The following SETD1B variants were observed in gnomAD, a reference collection of about 807,000 sequenced individuals.
SETD1B encodes SET domain containing 1B, histone lysine methyltransferase, also known as histone-lysine N-methyltransferase SETD1B.
Under a neutral mutation model 148.0 loss-of-function variants are expected in SETD1B, and 7 were observed. The ratio of observed to expected loss-of-function variants is 0.05; its 90% CI spans 0.03 to 0.09. SETD1B has a LOEUF of 0.09. Among genes scored for constraint, SETD1B ranks in the 10% least tolerant of loss-of-function variants. The pLI, the probability that SETD1B is intolerant of heterozygous loss-of-function variation, is 1.00. For synonymous variants in SETD1B, 1,361 were observed against 1,186.5 expected, an observed-to-expected ratio of 1.15 and a Z score of -3.02; for missense variants, 2,155 against 2,729.9, an observed-to-expected ratio of 0.79 and a Z score of 4.69.
At position 121,804,455 on chromosome 12, in the gene SETD1B, G is replaced by A. The variant is rs1220607148; in HGVS notation, c.-15+222G>A. On this transcript the variant is annotated intron_variant, in intron 1 of 16. Coordinates refer to ENST00000604567, the MANE Select transcript of SETD1B (RefSeq NM_001353345.2). The surrounding 1 kb of genome is among the most constrained non-coding windows in gnomAD (Gnocchi z 4.6). ...GGAGTCCGCGTCCTCCGGGCGCCCC[G>A]GGCCCCGCCAGCCCGCCCAGGGGAC... Among the ~76,000 whole-genome samples, 1 of 150,152 alleles carries A rather than the reference G, an allele frequency of 6.7e-6. No individual in the cohort carries two copies. Among genetic ancestry groups the A allele is most frequent in the Non-Finnish European group, 1.5e-5 (1 of 67,312 alleles).
At chr12:121,807,922 G>T (rs1327321593) in intron 4 of SETD1B, among the ~76,000 whole-genome samples, 1 of 151,938 alleles carries the variant, frequency 6.6e-6, no homozygotes, top group Non-Finnish European at 1.5e-5. Context: ...GGGGCTGGGC[G>T]TCGCGGGTGG....
At position 121,809,790 on chromosome 12, in the gene SETD1B, C is replaced by G; in HGVS notation, c.845C>G (p.Pro282Arg). 6.4e-7 allele frequency: 1 copy of G among 1,551,596 alleles called. No homozygotes were observed. The highest frequency in any genetic ancestry group is 8.7e-7 in the Non-Finnish European group (1 of 1,146,980). ...CCGCTCACACCGCGCCTGGGCACCCCTTTCTCACAGGACTCCAGCTACTCC... is the reference window on the plus strand; with the variant it reads ...CCGCTCACACCGCGCCTGGGCACCCGTTTCTCACAGGACTCCAGCTACTCC... ...GTPLTPRLGT[P>R]FSQDSSYSSR... Residue 282 changes from proline to arginine, a missense_variant, in exon 6 of 17, where the codon CCT becomes CGT. This residue lies in a region of SETD1B where 376 missense variants were observed against 385.0 expected (regional missense o/e 0.98). Transcript: ENST00000604567.
intron 4 of SETD1B, among the ~76,000 whole-genome samples, chr12:121,807,792 A>G (rs1005418590): frequency 3.3e-5 from 5 of 152,062 alleles, no homozygotes; most frequent in African/African-American, 1.2e-4. Flanking sequence ...GATATTTAAC[A>G]AACTCTGGCT....
intron 6 of SETD1B, among the ~76,000 whole-genome samples, chr12:121,812,921 A>C (rs1460790121): frequency 4.6e-5 from 7 of 151,968 alleles, no homozygotes; most frequent in Non-Finnish European, 8.8e-5. Flanking sequence ...CTGATCTTGC[A>C]ACTTGCACAG....
chr12:121,798,608 G>T, the SETD1B span, among the ~76,000 whole-genome samples: 18 of 152,216 alleles, frequency 1.2e-4, no homozygotes, highest in Non-Finnish European at 1.9e-4. Flanking sequence ...AGCCCATGGC[G>T]AACTATCTCC....
At chr12:121,813,549 G>T (rs185387967) in intron 6 of SETD1B, among the ~76,000 whole-genome samples, 1 of 152,282 alleles carries the variant, frequency 6.6e-6, no homozygotes, top group African/African-American at 2.4e-5. Context: ...GGGCAAAAAT[G>T]GAGTTGAAAA....
chr12:121,815,115 A>G (rs1424240833), intron 7 of SETD1B, among the ~76,000 whole-genome samples, 185 bp downstream of exon 7: 1 of 152,128 alleles, frequency 6.6e-6, no homozygotes, highest in Non-Finnish European at 1.5e-5. Flanking sequence ...CAGCCACTAG[A>G]TGCACACGGC....
the SETD1B span, chr12:121,797,243 G>A: frequency 2.8e-5 from 10 of 360,912 alleles, no homozygotes; most frequent in East Asian, 7.4e-5. Context: ...CGGAGAGGCC[G>A]GAAGAGGCGG....
chr12:121,803,296 ACT>A (rs749100304), upstream of SETD1B: 1 of 151,340 alleles, frequency 6.6e-6, no homozygotes, highest in South Asian at 2.1e-4. The surrounding 1 kb of genome is among the most constrained non-coding windows in gnomAD (Gnocchi z 4.7). Flanking sequence ...AAAAAGGGGG[ACT>A]CTCTCCTCCG....
rs1272757648 is a variant in SETD1B, at chr12:121,804,866, G to T, written c.129G>T (p.Gly43=). 6.5e-7 allele frequency: 1 copy of T among 1,550,146 alleles called. No individual in the cohort carries two copies. The highest frequency in any genetic ancestry group is 8.7e-7 in the Non-Finnish European group (1 of 1,146,536). ...KLMIDPALKK[G]HHKLYRYDGQ... ...TGATTGACCCGGCTCTGAAAAAGGG[G>T]CATCATAAACTGTACCGCTACGATG... Residue 43 remains glycine, a synonymous_variant, in exon 2 of 17, where the codon GGG becomes GGT. Transcript: ENST00000604567. The surrounding 1 kb of genome is among the most constrained non-coding windows in gnomAD (Gnocchi z 4.6).
In SETD1B at chr12:121,822,821, C is replaced by A. The variant is rs1357486568; in HGVS notation, c.4242C>A (p.Ser1414=). ...PGSPFSYPAP[S]PSLSSGGLPR... ...GCCCCTTCTCCTACCCAGCCCCGTC[C>A]CCTAGCTTGAGCAGTGGGGGCCTCC... Residue 1414 remains serine (S), a synonymous_variant, in exon 12 of 17, where the codon TCC becomes TCA. Coordinates refer to ENST00000604567, the MANE Select transcript of SETD1B (RefSeq NM_001353345.2). 1 of 1,500,804 alleles carries A rather than the reference C, an allele frequency of 6.7e-7. No individual in the cohort carries two copies. Among genetic ancestry groups the A allele is most frequent in the East Asian group, 2.5e-5 (1 of 40,392 alleles). The allele number at this position is 1,500,804 out of a possible 1,614,324, so 93.0% of individuals were successfully genotyped here. A position where few individuals can be genotyped will look rare whatever the true frequency, so the allele number is the denominator to read the frequency against.
In SETD1B at chr12:121,817,207, G is replaced by T; in HGVS notation, c.2890G>T (p.Val964Phe). 6.4e-7 allele frequency: 1 copy of T among 1,550,706 alleles called. No homozygotes were observed. The highest frequency in any genetic ancestry group is 8.7e-7 in the Non-Finnish European group (1 of 1,146,942). Residue 964 changes from valine (V) to phenylalanine (F), a missense_variant, in exon 8 of 17, where the codon GTC (valine) becomes TTC (phenylalanine). This residue lies in a region of SETD1B where 289 missense variants were observed against 423.7 expected (regional missense o/e 0.68). Transcript: ENST00000604567. This position sits in a 1 kb window ranked among gnomAD's most constrained non-coding sequence, Gnocchi z 8.1. The part of the protein sequence containing the change: ...RGAIRLPSFK[V>F]KRKEPPDTTS... The stretch of plus-strand genomic sequence containing the variant: ...GGCCATTCGCCTGCCCTCCTTCAAG[G>T]TCAAGAGGAAGGAGCCACCAGACAC...
intron 13 of SETD1B, among the ~76,000 whole-genome samples, chr12:121,827,250 A>G (rs1013543389): frequency 6.6e-6 from 1 of 152,136 alleles, no homozygotes; most frequent in South Asian, 2.1e-4. Flanking sequence ...GGAGGGGGTC[A>G]GGGTAGACAA....
Position 121,809,770 on chromosome 12 carries a change from C to T in SETD1B, c.825C>T (p.Leu275=), listed in dbSNP as rs963992722. ...ACTCCTATGGACAGGGCACCCCGCT[C>T]ACACCGCGCCTGGGCACCCCTTTCT... ...TPNSYGQGTP[L]TPRLGTPFSQ... The change falls in exon 6 of 17, where the codon CTC becomes CTT. Residue 275 remains leucine (L), a synonymous_variant. Coordinates refer to ENST00000604567, the MANE Select transcript of SETD1B (RefSeq NM_001353345.2). 21 of 1,551,480 alleles carry T rather than the reference C, an allele frequency of 1.4e-5. No individual in the cohort carries two copies. The East Asian group carries it at 4.2e-4, about 31-fold the overall frequency.
Position 121,830,033 on chromosome 12 carries a change from AG to A in SETD1B, c.5728-29del. The A allele has an allele frequency of 1.3e-6, 2 of 1,537,234 alleles. No individual in the cohort carries two copies. Among genetic ancestry groups the A allele is most frequent in the Non-Finnish European group, 1.8e-6 (2 of 1,137,328 alleles). On this transcript the variant is annotated intron_variant, in intron 16 of 16. Coordinates refer to ENST00000604567, the MANE Select transcript of SETD1B (RefSeq NM_001353345.2). This position sits in a 1 kb window ranked among gnomAD's most constrained non-coding sequence, Gnocchi z 5.7. ...CAGTGGTGGGGGACCCTGGGGGACC[AG>A]GGGCTCATTCTCCCCCCCACCTTGC...
chr12:121,810,445 C>T lies in SETD1B; in HGVS notation c.1500C>T (p.Asp500=). The change falls in exon 6 of 17, where the codon GAC becomes GAT. Residue 500 remains aspartate, a synonymous_variant. Coordinates refer to ENST00000604567, the MANE Select transcript of SETD1B (RefSeq NM_001353345.2). The surrounding 1 kb of genome is among the most constrained non-coding windows in gnomAD (Gnocchi z 7.6). The part of the protein sequence containing the change: ...AGPEKPHDSL[D]SRIEMLLKEQ... Reference sequence around the variant, plus strand: ...CAGAGAAACCCCACGACAGCCTGGACTCGCGCATCGAGATGCTGCTGAAGG... The same window carrying T: ...CAGAGAAACCCCACGACAGCCTGGATTCGCGCATCGAGATGCTGCTGAAGG... 3 of 1,549,232 alleles carry T rather than the reference C, an allele frequency of 1.9e-6. No homozygotes were observed. Among genetic ancestry groups the T allele is most frequent in the Non-Finnish European group, 2.6e-6 (3 of 1,147,068 alleles).
chr12:121,797,650 G>A, the SETD1B span: 3 of 455,710 alleles, frequency 6.6e-6, no homozygotes, highest in African/African-American at 2.0e-5. Flanking sequence ...AGCTGGGAGG[G>A]AGACGTACAT....
upstream of SETD1B, chr12:121,801,950 G>C (rs1221064153): frequency 6.6e-6 from 1 of 152,150 alleles, no homozygotes; most frequent in African/African-American, 2.4e-5. Flanking sequence ...GCTGGAACCA[G>C]CTAGGACTTG....
rs563028483 is a variant in SETD1B at position 121,814,098 on chromosome 12, C to T, written c.1891-8C>T. 269 of 1,545,734 alleles carry T rather than the reference C, an allele frequency of 1.7e-4. 2 individuals are homozygous for T. The South Asian group carries it at 3.0e-3, about 17-fold the overall frequency. ...TCACCTCACTGTCTCTCCCTGCTCT[C>T]TCTGCAGGGCCAGCAGTCCTCAGGC... On this transcript the variant is annotated splice_region_variant and splice_polypyrimidine_tract_variant and intron_variant, in intron 6 of 16. Coordinates refer to ENST00000604567, the MANE Select transcript of SETD1B (RefSeq NM_001353345.2).
Sources: gnomAD v4.1 joint callset for allele counts (sites outside exome capture counted in the v4.1 genomes callset) on GRCh38, gnomAD v4.1.1 for gene constraint, gnomAD v4.1.1 regional missense constraint, Gnocchi (gnomAD v3.1) non-coding constraint, MANE v1.5 for transcripts, NCBI Gene and HGNC (gene_info 2026-07-23, HGNC 2026-07-21) for gene names.